Variants in ADGRB3 observed in about 807,000 individuals in gnomAD.
ADGRB3 encodes brain-specific angiogenesis inhibitor 3.
Under a neutral mutation model 193.4 loss-of-function variants are expected in ADGRB3, and 37 were observed. The observed-to-expected ratio is 0.19, with a 90% CI of 0.15 to 0.25. The LOEUF is 0.25. Ranked by LOEUF, ADGRB3 falls within the 10% of genes least tolerant of loss-of-function variation. ADGRB3 has a pLI of 1.00. For synonymous variants in ADGRB3, 690 were observed against 644.2 expected (o/e 1.07, Z -1.08); for missense variants, 1,637 against 1,852.9 (o/e 0.88, Z 2.14).
At chr6:69,068,334 C>T (rs565729094) in intron 16 of ADGRB3, among the ~76,000 whole-genome samples, 18 of 151,870 alleles carry the variant, frequency 1.2e-4, no homozygotes, top group East Asian at 3.9e-4. Flanking sequence ...TGCTTTTGGA[C>T]GTAAAAGAAA....
At chr6:68,721,211 G>T (rs112955866) in intron 3 of ADGRB3, among the ~76,000 whole-genome samples, 4,897 of 151,896 alleles carry the variant, frequency 0.032, 140 homozygotes, top group African/African-American at 0.072. Flanking sequence ...CAATAGCAAA[G>T]ACTTGGAACC....
At chr6:69,097,810 T>C (rs183142845) in intron 17 of ADGRB3, among the ~76,000 whole-genome samples, 1 of 152,220 alleles carries the variant, frequency 6.6e-6, no homozygotes, top group East Asian at 1.9e-4. Flanking sequence ...TAAACAAATA[T>C]ATTCATCATA....
At chr6:69,338,850 C>A in intron 24 of ADGRB3, 66 bp from the exon 25 acceptor site, 1 of 1,407,260 alleles carries the variant, frequency 7.1e-7, no homozygotes, top group Non-Finnish European at 9.9e-7. Context: ...TAACTTGAAG[C>A]AGCAATTTTT....
chr6:69,018,347 T>G, intron 12 of ADGRB3, 44 bp from the exon 13 acceptor site: 3 of 1,266,114 alleles, frequency 2.4e-6, no homozygotes, highest in Non-Finnish European at 3.4e-6. Flanking sequence ...TGCCATTGTA[T>G]GTATAGATTT....
intron 3 of ADGRB3, among the ~76,000 whole-genome samples, chr6:68,718,115 T>C (rs1302005239): frequency 6.6e-6 from 1 of 151,796 alleles, no homozygotes; most frequent in Non-Finnish European, 1.5e-5. Flanking sequence ...TTAAATGTTT[T>C]GCCTATTTTA....
intron 3 of ADGRB3, among the ~76,000 whole-genome samples, chr6:68,726,234 T>C (rs1222541191): frequency 6.6e-6 from 1 of 151,612 alleles, no homozygotes; most frequent in African/African-American, 2.4e-5. Flanking sequence ...TAAACCTGTG[T>C]AAAAACTCAC....
intron 17 of ADGRB3, among the ~76,000 whole-genome samples, chr6:69,224,421 G>A (rs948133084): frequency 6.6e-6 from 1 of 152,012 alleles, no homozygotes; most frequent in Non-Finnish European, 1.5e-5. Flanking sequence ...ATTATATTAG[G>A]CGAAAAATTG....
At chr6:68,954,265 T>TA (rs1768010576) in intron 6 of ADGRB3, among the ~76,000 whole-genome samples, 1 of 152,212 alleles carries the variant, frequency 6.6e-6, no homozygotes, top group South Asian at 2.1e-4. Flanking sequence ...TCCTAAATTA[T>TA]AAAATTTTTG....
chr6:69,232,715 C>A, intron 17 of ADGRB3: 1 of 1,222,232 alleles, frequency 8.2e-7, no homozygotes. Context: ...CTTCCCGTTT[C>A]CAGGGTGAAA....
chr6:68,841,589 C>T (rs1768159852), intron 3 of ADGRB3, among the ~76,000 whole-genome samples: 1 of 152,064 alleles, frequency 6.6e-6, no homozygotes. Flanking sequence ...ATACCAAAAT[C>T]TATGGGATAT....
Position 69,018,429 on chromosome 6 carries a change from A to G in ADGRB3, c.2037A>G (p.Glu679=). 1 of 1,608,974 alleles carries G rather than the reference A, an allele frequency of 6.2e-7. No homozygotes were observed. Residue 679 remains glutamate, a synonymous_variant, in exon 13 of 32, where the codon GAA becomes GAG. Transcript: ENST00000370598. ...CAATAGAGTTAATGCAGGTGATTGA[A>G]GATTTTATACACATTGTTGGAATGG... ...PGSIELMQVI[E]DFIHIVGMGM...
At chr6:69,269,539 C>T (rs1017960905) in intron 20 of ADGRB3, among the ~76,000 whole-genome samples, 1 of 152,136 alleles carries the variant, frequency 6.6e-6, no homozygotes, top group African/African-American at 2.4e-5. Context: ...AAATGCATAT[C>T]TATCAAATAA....
At chr6:69,088,902 T>C (rs1352942521) in intron 17 of ADGRB3, among the ~76,000 whole-genome samples, 5 of 152,178 alleles carry the variant, frequency 3.3e-5, no homozygotes, top group Non-Finnish European at 7.4e-5. Flanking sequence ...AAGAAGGAAA[T>C]TATTTTCATA....
intron 3 of ADGRB3, among the ~76,000 whole-genome samples, chr6:68,681,275 T>C (rs553019735): frequency 4.6e-5 from 7 of 152,280 alleles, no homozygotes; most frequent in African/African-American, 1.4e-4. Flanking sequence ...AATTTCAAAA[T>C]AGGTTTTTGA....
chr6:69,371,910 G>A (rs1288510643), intron 29 of ADGRB3, among the ~76,000 whole-genome samples: 6 of 152,106 alleles, frequency 3.9e-5, no homozygotes, highest in Admixed American at 3.9e-4. Flanking sequence ...AAATATGTGG[G>A]TGAGACTTAT....
chr6:69,234,881 C>G, intron 18 of ADGRB3, 151 bp from the exon 19 acceptor site: 1 of 578,752 alleles, frequency 1.7e-6, no homozygotes, highest in African/African-American at 1.9e-5. Context: ...GTTGAGAATG[C>G]AAGAACAGAG....
chr6:69,183,141 AT>A (rs1336415008), intron 17 of ADGRB3, among the ~76,000 whole-genome samples: 2 of 151,916 alleles, frequency 1.3e-5, no homozygotes, highest in Non-Finnish European at 2.9e-5. Context: ...TAATTTTTAC[AT>A]TTTTTTCTAA....
chr6:68,996,807 G>A (rs1008969229), intron 11 of ADGRB3, among the ~76,000 whole-genome samples: 1 of 152,030 alleles, frequency 6.6e-6, no homozygotes, highest in Non-Finnish European at 1.5e-5. Flanking sequence ...TCCATCTTTG[G>A]ACCCTAGCCA....
chr6:69,201,216 C>T (rs1239462053), intron 17 of ADGRB3, among the ~76,000 whole-genome samples: 1 of 152,038 alleles, frequency 6.6e-6, no homozygotes, highest in East Asian at 1.9e-4. Flanking sequence ...TGAGCTAACA[C>T]CTCATTTTTT....
Sources: allele counts gnomAD v4.1 joint callset (sites outside exome capture counted in the v4.1 genomes callset), GRCh38; gene constraint gnomAD v4.1.1; transcripts MANE v1.5; gene names NCBI Gene and HGNC (gene_info 2026-07-23, HGNC 2026-07-21).